YEATS4: variants seen among roughly 807,000 people sequenced by gnomAD.
YEATS4 encodes the protein YEATS domain containing 4.
YEATS4 carries 17 observed loss-of-function variants against 30.1 expected under a neutral mutation model. The ratio of observed to expected loss-of-function variants is 0.56; its 90% CI spans 0.39 to 0.85. The LOEUF is 0.85. Among genes scored for constraint, YEATS4 ranks in the 40% least tolerant of loss-of-function variants. The probability of loss-of-function intolerance (pLI) is 0.00; values close to 1 mark genes in which losing one functional copy is unlikely to be tolerated. For synonymous variants in YEATS4, 85 were observed against 87.5 expected, an observed-to-expected ratio of 0.97 and a Z score of 0.16; for missense variants, 142 against 268.3, an observed-to-expected ratio of 0.53 and a Z score of 3.29.
the YEATS4 span, among the ~76,000 whole-genome samples, chr12:69,414,936 G>T: frequency 6.6e-6 from 1 of 152,162 alleles, no homozygotes; most frequent in East Asian, 1.9e-4. Context: ...CAATAATTTG[G>T]CAAGAAAGAA....
In YEATS4 at chr12:69,360,008, C is replaced by T. The variant is rs1875122266; in HGVS notation, c.36C>T (p.Ser12=). Reference sequence around the variant, plus strand: ...GAATGGCCGAATTTGGGCCTGACTCCGGCGGGAGAGTAAAGGTCAGTGCCC... The same window carrying T: ...GAATGGCCGAATTTGGGCCTGACTCTGGCGGGAGAGTAAAGGTCAGTGCCC... ...FKRMAEFGPD[S]GGRVKGVTIV... Residue 12 remains serine, a synonymous_variant, in exon 1 of 7, where the codon TCC becomes TCT. Coordinates refer to ENST00000247843, the MANE Select transcript of YEATS4 (RefSeq NM_006530.4). The T allele has an allele frequency of 1.9e-6, 3 of 1,613,462 alleles. No homozygotes were observed. The Admixed American group carries it at 5.0e-5, about 27-fold the overall frequency.
At chr12:69,360,974 G>T (rs1440826936) in intron 1 of YEATS4, among the ~76,000 whole-genome samples, 1 of 151,690 alleles carries the variant, frequency 6.6e-6, no homozygotes, top group Non-Finnish European at 1.5e-5. Context: ...GAGGAGGGTG[G>T]ATCACCTGAG....
chr12:69,395,248 T>G (rs896987185), downstream of YEATS4, among the ~76,000 whole-genome samples: 1 of 152,098 alleles, frequency 6.6e-6, no homozygotes, highest in East Asian at 1.9e-4. Flanking sequence ...TTACAAACCA[T>G]TTATCCAAAT....
At chr12:69,363,450 A>G (rs1344842455) in intron 2 of YEATS4, among the ~76,000 whole-genome samples, 7 of 152,224 alleles carry the variant, frequency 4.6e-5, no homozygotes, top group Non-Finnish European at 2.9e-5. Flanking sequence ...TTAAGATAAC[A>G]AGAACTATTT....
In YEATS4 at chr12:69,359,745, C is replaced by T. The variant is rs1259067395; in HGVS notation, c.-228C>T. 3 of 551,640 alleles carry T rather than the reference C, an allele frequency of 5.4e-6. No individual in the cohort carries two copies. The highest frequency in any genetic ancestry group is 6.3e-6 in the Non-Finnish European group (2 of 315,916). 34.2% of individuals were successfully genotyped at this position (551,640 alleles called of 1,614,324 possible). ...TGCGCGCGGTGCGGCCGTCGCCCCTCTTTTCGCGGCGTTCTCCACCTGCGC... is the reference window on the plus strand; with the variant it reads ...TGCGCGCGGTGCGGCCGTCGCCCCTTTTTTCGCGGCGTTCTCCACCTGCGC... On this transcript the variant is annotated 5_prime_UTR_variant, in exon 1 of 7. Transcript: ENST00000247843.
intron 6 of YEATS4, among the ~76,000 whole-genome samples, chr12:69,385,962 T>C (rs1809286704): frequency 6.6e-6 from 1 of 152,202 alleles, no homozygotes; most frequent in Non-Finnish European, 1.5e-5. Context: ...TCCACTTAAC[T>C]AATAAGTTGT....
the YEATS4 span, among the ~76,000 whole-genome samples, chr12:69,411,986 T>C: frequency 2.0e-5 from 3 of 152,186 alleles, no homozygotes; most frequent in South Asian, 4.1e-4. Flanking sequence ...AAGAGCAACA[T>C]GATCTGACTT....
intron 1 of YEATS4, among the ~76,000 whole-genome samples, chr12:69,362,511 A>T (rs548240): frequency 0.88 from 134,336 of 152,224 alleles, 59,509 homozygotes; most frequent in African/African-American, 0.97. Flanking sequence ...GGTGTTTAAG[A>T]AAAGGCCTTT....
At chr12:69,367,760 G>GT (rs1875494026) in intron 4 of YEATS4, among the ~76,000 whole-genome samples, 1 of 152,220 alleles carries the variant, frequency 6.6e-6, no homozygotes, top group Non-Finnish European at 1.5e-5. Flanking sequence ...AATGAGAATA[G>GT]TTTATTAGGG....
At chr12:69,379,232 T>G (rs1875978453) in intron 6 of YEATS4, among the ~76,000 whole-genome samples, 1 of 152,212 alleles carries the variant, frequency 6.6e-6, no homozygotes, top group African/African-American at 2.4e-5. Flanking sequence ...TAAACTGCCT[T>G]GAGGTAGTCT....
chr12:69,415,913 A>G, the YEATS4 span, among the ~76,000 whole-genome samples: 1 of 152,230 alleles, frequency 6.6e-6, no homozygotes, highest in East Asian at 1.9e-4. Flanking sequence ...TGAAGGTGGC[A>G]TCTCTCACTC....
At chr12:69,361,933 A>G (rs1875225691) in intron 1 of YEATS4, among the ~76,000 whole-genome samples, 2 of 152,074 alleles carry the variant, frequency 1.3e-5, no homozygotes, top group Admixed American at 6.6e-5. Context: ...ATTTATTGTA[A>G]CATTTACATT....
chr12:69,403,232 G>C, the YEATS4 span, among the ~76,000 whole-genome samples: 63 of 152,046 alleles, frequency 4.1e-4, 1 homozygote, highest in African/African-American at 1.5e-3. Flanking sequence ...CCTGAGATTT[G>C]GCCTTTGTAA....
chr12:69,369,886 T>C (rs1875575369), intron 4 of YEATS4, among the ~76,000 whole-genome samples: 1 of 152,214 alleles, frequency 6.6e-6, no homozygotes, highest in Non-Finnish European at 1.5e-5. Context: ...ATTCTGTTAA[T>C]TGAGCTAGAT....
intron 6 of YEATS4, among the ~76,000 whole-genome samples, chr12:69,384,893 A>G (rs1168513621): frequency 1.3e-5 from 2 of 152,216 alleles, no homozygotes; most frequent in South Asian, 2.1e-4. Flanking sequence ...ATGGACAGAC[A>G]GATAGAATAA....
intron 6 of YEATS4, among the ~76,000 whole-genome samples, chr12:69,375,865 T>C (rs1051841355): frequency 3.3e-5 from 5 of 150,138 alleles, no homozygotes; most frequent in African/African-American, 9.9e-5. Context: ...CAGTCCAGCC[T>C]GGGCTCGGCA....
chr12:69,405,452 T>A, the YEATS4 span, among the ~76,000 whole-genome samples: 1 of 152,220 alleles, frequency 6.6e-6, no homozygotes, highest in African/African-American at 2.4e-5. Flanking sequence ...CAGTTTTTTT[T>A]CTTTCCTTAT....
At chr12:69,361,590 C>G (rs755041311) in intron 1 of YEATS4, among the ~76,000 whole-genome samples, 1 of 151,914 alleles carries the variant, frequency 6.6e-6, no homozygotes, top group Non-Finnish European at 1.5e-5. Flanking sequence ...CGTGCCTGGC[C>G]GCTTTTCTTC....
chr12:69,363,310 T>A (rs1361476224), intron 2 of YEATS4, among the ~76,000 whole-genome samples: 1 of 152,160 alleles, frequency 6.6e-6, no homozygotes, highest in East Asian at 1.9e-4. Context: ...TGTAATTTTT[T>A]ATAGTAACTT....
Sources: allele counts gnomAD v4.1 joint callset (sites outside exome capture counted in the v4.1 genomes callset), GRCh38; gene constraint gnomAD v4.1.1; transcripts MANE v1.5; gene names NCBI Gene and HGNC (gene_info 2026-07-23, HGNC 2026-07-21).